The following NRXN1 variants were observed in gnomAD, a reference collection of about 807,000 sequenced individuals.
The protein encoded by NRXN1 is neurexin-1.
NRXN1 carries 39 observed loss-of-function variants against 150.9 expected under a neutral mutation model. That is an observed-to-expected ratio of 0.26 (90% CI 0.20 to 0.34). NRXN1 has a LOEUF of 0.34. Ranked by LOEUF, NRXN1 falls within the 10% of genes least tolerant of loss-of-function variation. The pLI, the probability that NRXN1 is intolerant of heterozygous loss-of-function variation, is 1.00. For missense variants in NRXN1, 1,815 were observed against 1,949.9 expected, an observed-to-expected ratio of 0.93 and a Z score of 1.30; for synonymous variants, 924 against 757.0, an observed-to-expected ratio of 1.22 and a Z score of -3.62.
At chr2:50,737,488 G>A (rs1698908079) in intron 5 of NRXN1, among the ~76,000 whole-genome samples, 1 of 152,134 alleles carries the variant, frequency 6.6e-6, no homozygotes, top group South Asian at 2.1e-4. Flanking sequence ...CTTTCTCAAA[G>A]TGTTTTAAAA....
At chr2:50,929,619 A>G (rs1380671501) in intron 2 of NRXN1, among the ~76,000 whole-genome samples, 4 of 152,072 alleles carry the variant, frequency 2.6e-5, no homozygotes, top group African/African-American at 9.7e-5. Context: ...ATGGCATATT[A>G]CAGCAAAACT....
intron 13 of NRXN1, among the ~76,000 whole-genome samples, chr2:50,505,244 AACGTAGGT>A (rs2092160691): frequency 6.6e-6 from 1 of 152,100 alleles, no homozygotes; most frequent in Non-Finnish European, 1.5e-5. Flanking sequence ...CAAAAAAATA[AACGTAGGT>A]TCTCTCCTCA....
chr2:50,951,958 T>C (rs1186161618), intron 2 of NRXN1, among the ~76,000 whole-genome samples: 2 of 103,048 alleles, frequency 1.9e-5, no homozygotes, highest in Non-Finnish European at 3.8e-5. Context: ...TATATATATA[T>C]ATATATTTTT....
intron 17 of NRXN1, among the ~76,000 whole-genome samples, chr2:50,332,967 C>T (rs552218413): frequency 7.4e-4 from 113 of 152,264 alleles, no homozygotes; most frequent in African/African-American, 2.5e-3. Flanking sequence ...AAAAGTCAAT[C>T]GATAATACTG....
intron 18 of NRXN1, chr2:50,185,511 T>A (rs1363095368): frequency 6.6e-6 from 1 of 152,082 alleles, no homozygotes; most frequent in African/African-American, 2.4e-5. Context: ...TTTTCACCAA[T>A]AATGTAAGAG....
chr2:50,258,058 A>T (rs2067884530), intron 17 of NRXN1, among the ~76,000 whole-genome samples: 1 of 151,988 alleles, frequency 6.6e-6, no homozygotes, highest in Admixed American at 6.6e-5. Context: ...AATATTTTTG[A>T]TGGTGGAGGA....
intron 5 of NRXN1, among the ~76,000 whole-genome samples, chr2:50,660,280 A>C (rs575815322): frequency 3.3e-5 from 5 of 152,184 alleles, no homozygotes; most frequent in African/African-American, 1.2e-4. Flanking sequence ...CAGAGGTAAT[A>C]AATTGCAAGG....
intron 5 of NRXN1, among the ~76,000 whole-genome samples, chr2:50,642,798 G>A (rs926584523): frequency 6.6e-6 from 1 of 151,928 alleles, no homozygotes; most frequent in African/African-American, 2.4e-5. Context: ...AGGAAATAGG[G>A]ATGGGAATGG....
chr2:50,601,957 A>G (rs1206338222), intron 8 of NRXN1, among the ~76,000 whole-genome samples: 3 of 152,202 alleles, frequency 2.0e-5, no homozygotes, highest in African/African-American at 7.2e-5. Context: ...AAATATACAG[A>G]AGCTAATAGA....
chr2:50,302,429 C>A (rs1345877695), intron 17 of NRXN1, among the ~76,000 whole-genome samples: 1 of 152,114 alleles, frequency 6.6e-6, no homozygotes, highest in African/African-American at 2.4e-5. Context: ...ATTCAAGATA[C>A]ATTTTGTCAA....
chr2:50,973,116 C>T (rs1695275619), intron 2 of NRXN1, among the ~76,000 whole-genome samples: 1 of 152,144 alleles, frequency 6.6e-6, no homozygotes, highest in African/African-American at 2.4e-5. Flanking sequence ...AGATCCTTTG[C>T]ACAGAGTTAG....
At chr2:50,879,645 C>T (rs144977552) in intron 5 of NRXN1, among the ~76,000 whole-genome samples, 6,999 of 151,770 alleles carry the variant, frequency 0.046, 215 homozygotes, top group Admixed American at 0.074. Context: ...GCAGGTGGTA[C>T]CTATTTGCCA....
At chr2:50,454,249 C>G (rs1024864121) in intron 17 of NRXN1, among the ~76,000 whole-genome samples, 2 of 152,142 alleles carry the variant, frequency 1.3e-5, no homozygotes, top group East Asian at 1.9e-4. Flanking sequence ...TCGCTTGAAC[C>G]TGGGAGGCAG....
chr2:50,764,025 T>A (rs1302931519), intron 5 of NRXN1, among the ~76,000 whole-genome samples: 1 of 151,540 alleles, frequency 6.6e-6, no homozygotes, highest in Admixed American at 6.6e-5. Context: ...TTGGCCCTTT[T>A]TTTTTTTTTG....
At chr2:50,067,654 A>G (rs1007531478) in intron 19 of NRXN1, among the ~76,000 whole-genome samples, 8 of 152,214 alleles carry the variant, frequency 5.3e-5, no homozygotes, top group Non-Finnish European at 8.8e-5. Flanking sequence ...AGCATTTAAG[A>G]CAGAAGAATG....
intron 8 of NRXN1, among the ~76,000 whole-genome samples, chr2:50,573,344 CAG>C (rs1299780620): frequency 6.8e-6 from 1 of 147,486 alleles, no homozygotes; most frequent in African/African-American, 2.5e-5. Flanking sequence ...GCCTGGGTGA[CAG>C]AGAGACACTC....
intron 8 of NRXN1, among the ~76,000 whole-genome samples, chr2:50,590,465 A>AC (rs1199352848): frequency 6.6e-6 from 1 of 152,136 alleles, no homozygotes. Context: ...ACCTTTATAT[A>AC]CCTAAGCAAT....
At chr2:50,358,203 G>A (rs986929998) in intron 17 of NRXN1, among the ~76,000 whole-genome samples, 3 of 152,154 alleles carry the variant, frequency 2.0e-5, no homozygotes, top group African/African-American at 7.2e-5. Context: ...TTCTACCCCA[G>A]TAGTGCCTCG....
rs72838780 is a variant in NRXN1, at chr2:50,847,070, C to A, written c.832+74799G>T. Reference sequence around the variant, plus strand: ...AACCTTTGCCAAAGATAAGGAGGAACTTATATTCTCGGTATTGGCAAGGTA... The same window carrying A: ...AACCTTTGCCAAAGATAAGGAGGAAATTATATTCTCGGTATTGGCAAGGTA... On this transcript the variant is annotated intron_variant, in intron 5 of 22. Coordinates refer to ENST00000401669, the MANE Select transcript of NRXN1 (RefSeq NM_001330078.2). 1.2e-4 allele frequency among the ~76,000 whole-genome samples: 19 copies of A among 152,060 alleles called. No homozygotes were observed. In the South Asian group the frequency reaches 4.0e-3, roughly 32 times the overall value.
Sources: gnomAD v4.1 joint callset for allele counts (sites outside exome capture counted in the v4.1 genomes callset) on GRCh38, gnomAD v4.1.1 for gene constraint, MANE v1.5 for transcripts, NCBI Gene and HGNC (gene_info 2026-07-23, HGNC 2026-07-21) for gene names.